The following ANAPC10 variants were observed in gnomAD, a reference collection of about 807,000 sequenced individuals.
The protein encoded by ANAPC10 is anaphase promoting complex subunit 10, also known as anaphase-promoting complex subunit 10.
A neutral mutation model predicts 22.0 loss-of-function variants in ANAPC10; 12 were observed. The observed-to-expected ratio is 0.55, with a 90% CI of 0.35 to 0.88. The LOEUF is 0.88. Among genes scored for constraint, ANAPC10 ranks in the 40% least tolerant of loss-of-function variants. The pLI is 0.01. For synonymous variants in ANAPC10, 65 were observed against 69.5 expected (o/e 0.94, Z 0.32); for missense variants, 188 against 220.9 (o/e 0.85, Z 0.94).
chr4:145,069,372 G>T (rs1423743229), intron 3 of ANAPC10, among the ~76,000 whole-genome samples: 3 of 152,188 alleles, frequency 2.0e-5, no homozygotes, highest in Admixed American at 6.5e-5. Context: ...AAATATGCGT[G>T]GGGTCCCCTT....
intron 4 of ANAPC10, among the ~76,000 whole-genome samples, chr4:145,008,470 T>C (rs1471772444): frequency 6.6e-6 from 1 of 152,028 alleles, no homozygotes; most frequent in African/African-American, 2.4e-5. Context: ...CAGCAGCACA[T>C]CAAAAAGCTT....
At chr4:145,088,211 CTCTTCA>C (rs891569895) in intron 2 of ANAPC10, among the ~76,000 whole-genome samples, 22 of 152,094 alleles carry the variant, frequency 1.4e-4, no homozygotes, top group Admixed American at 1.3e-3. Flanking sequence ...TCTGCCAGAT[CTCTTCA>C]TCTTCAAGTG....
intron 4 of ANAPC10, among the ~76,000 whole-genome samples, chr4:145,034,672 C>T (rs1578982402): frequency 6.7e-6 from 1 of 150,318 alleles, no homozygotes; most frequent in South Asian, 2.1e-4. Context: ...GTATATAATC[C>T]TATTAGTTCT....
At chr4:145,087,307 C>T (rs1475631554) in intron 2 of ANAPC10, among the ~76,000 whole-genome samples, 3 of 152,152 alleles carry the variant, frequency 2.0e-5, no homozygotes, top group African/African-American at 7.2e-5. Flanking sequence ...AGTCATTTTC[C>T]TTTCAAGCAT....
At chr4:145,002,348 T>G (rs1732700595) in intron 4 of ANAPC10, among the ~76,000 whole-genome samples, 1 of 152,124 alleles carries the variant, frequency 6.6e-6, no homozygotes, top group African/African-American at 2.4e-5. Context: ...AAAGGCTCAC[T>G]ATGGAAAGCA....
At chr4:144,998,305 T>C (rs2126834103) in intron 4 of ANAPC10, among the ~76,000 whole-genome samples, 1 of 152,308 alleles carries the variant, frequency 6.6e-6, no homozygotes, top group Middle Eastern at 3.4e-3. Context: ...ATTGCACTTA[T>C]TCCAAAATTG....
Position 144,995,384 on chromosome 4 carries a change from A to T in ANAPC10, c.547T>A (p.Ser183Thr). ...GTCTCATTTTAAAGTCACCTTATTG[A>T]ACGATACATCATGAAATCTATAGTT... ...CTTIDFMMYR[S>T]IR The change falls in exon 5 of 5, where the codon TCA (serine) becomes ACA (threonine). Residue 183 changes from serine to threonine, a missense_variant. Transcript: ENST00000507656. 1 of 1,607,248 alleles carries T rather than the reference A, an allele frequency of 6.2e-7. No homozygotes were observed. Among genetic ancestry groups the T allele is most frequent in the South Asian group, 1.1e-5 (1 of 90,444 alleles).
intron 4 of ANAPC10, among the ~76,000 whole-genome samples, chr4:145,005,315 C>T (rs1733176764): frequency 6.6e-6 from 1 of 152,196 alleles, no homozygotes. Flanking sequence ...TCAGTGGTTA[C>T]ATCCCTCTTG....
At chr4:145,097,994 G>A in intron 1 of ANAPC10, 126 bp downstream of exon 1, 1 of 171,282 alleles carries the variant, frequency 5.8e-6, no homozygotes, top group Non-Finnish European at 1.3e-5. Context: ...AATGACTAAG[G>A]CTCCACTCCT....
At chr4:145,066,364 G>C (rs565716879) in intron 3 of ANAPC10, among the ~76,000 whole-genome samples, 1 of 152,248 alleles carries the variant, frequency 6.6e-6, no homozygotes, top group South Asian at 2.1e-4. Context: ...GACAGGAGAG[G>C]AAGCAAAGAA....
rs562657948 is a variant in ANAPC10, at chr4:145,011,440, G to C, written c.328-15837C>G. On this transcript the variant is annotated intron_variant, in intron 4 of 4. Coordinates refer to ENST00000507656, the MANE Select transcript of ANAPC10 (RefSeq NM_001256706.2). ...GCAAGCCAATGCCCCTGCTGAGAAT[G>C]CTTATAGGTAAAACATAAAAATTAT... 1.5e-4 allele frequency among the ~76,000 whole-genome samples: 23 copies of C among 152,128 alleles called. No individual in the cohort carries two copies. In the South Asian group the frequency reaches 4.8e-3, roughly 32 times the overall value.
intron 4 of ANAPC10, chr4:144,999,247 T>A (rs1560800943): frequency 6.4e-6 from 1 of 155,158 alleles, no homozygotes; most frequent in African/African-American, 2.4e-5. Flanking sequence ...AAAGAGGGAA[T>A]CCTCCCTACC....
chr4:145,028,940 G>A (rs1029831516), intron 4 of ANAPC10, among the ~76,000 whole-genome samples: 2 of 152,166 alleles, frequency 1.3e-5, no homozygotes, highest in African/African-American at 2.4e-5. Flanking sequence ...ACTGCCCTAA[G>A]TGGGAGTCTT....
At chr4:145,063,379 T>C (rs1049447775) in intron 4 of ANAPC10, among the ~76,000 whole-genome samples, 2 of 152,170 alleles carry the variant, frequency 1.3e-5, no homozygotes, top group African/African-American at 4.8e-5. Flanking sequence ...TCAATACATA[T>C]GCAAGTTTTA....
intron 4 of ANAPC10, among the ~76,000 whole-genome samples, chr4:145,013,263 C>G (rs75530015): frequency 9.2e-5 from 14 of 152,154 alleles, no homozygotes; most frequent in Non-Finnish European, 1.5e-4. Context: ...ACAAACTAAT[C>G]TTTCTCATGA....
intron 3 of ANAPC10, among the ~76,000 whole-genome samples, chr4:145,080,037 C>T (rs1226522911): frequency 7.1e-6 from 1 of 141,176 alleles, no homozygotes; most frequent in African/African-American, 2.6e-5. Context: ...TCACTTGAAC[C>T]TGGGAGGTAG....
At chr4:145,010,815 A>G (rs937725911) in intron 4 of ANAPC10, among the ~76,000 whole-genome samples, 27 of 152,154 alleles carry the variant, frequency 1.8e-4, no homozygotes, top group African/African-American at 6.5e-4. Flanking sequence ...CTAGAACTTA[A>G]AATATAATAA....
intron 3 of ANAPC10, 42 bp from the exon 4 acceptor site, chr4:145,064,734 G>A (rs1373981858): frequency 6.9e-7 from 1 of 1,445,096 alleles, no homozygotes; most frequent in East Asian, 2.4e-5. Flanking sequence ...TTCATCATAT[G>A]AAAAGATTTC....
chr4:145,029,009 G>A (rs895822557), intron 4 of ANAPC10, among the ~76,000 whole-genome samples: 3 of 152,158 alleles, frequency 2.0e-5, no homozygotes, highest in African/African-American at 7.2e-5. Flanking sequence ...CTTACCATGT[G>A]AGTGGCTGAC....
Sources: allele counts gnomAD v4.1 joint callset (sites outside exome capture counted in the v4.1 genomes callset), GRCh38; gene constraint gnomAD v4.1.1; transcripts MANE v1.5; gene names NCBI Gene and HGNC (gene_info 2026-07-23, HGNC 2026-07-21).